Variants in GPHN observed in about 807,000 individuals in gnomAD.
GPHN encodes gephyrin.
A neutral mutation model predicts 95.5 loss-of-function variants in GPHN; 17 were observed. That is an observed-to-expected ratio of 0.18 (90% CI 0.12 to 0.27). The LOEUF is 0.27. GPHN is among the 10% of genes least tolerant of loss of function. GPHN has a pLI of 1.00. For missense variants in GPHN, 660 were observed against 978.1 expected, an observed-to-expected ratio of 0.67 and a Z score of 4.34; for synonymous variants, 320 against 322.5, an observed-to-expected ratio of 0.99 and a Z score of 0.08.
chr14:67,517,924 T>C, the GPHN span, among the ~76,000 whole-genome samples: 3 of 152,194 alleles, frequency 2.0e-5, no homozygotes, highest in African/African-American at 7.2e-5. Flanking sequence ...TGACATAAGA[T>C]CAGGGGTGCA....
intron 1 of GPHN, among the ~76,000 whole-genome samples, chr14:66,613,708 G>C (rs1484207890): frequency 2.6e-5 from 4 of 152,078 alleles, no homozygotes; most frequent in African/African-American, 9.7e-5. Context: ...ATAGATATTA[G>C]TATTCACAAA....
At chr14:67,699,408 A>G in the GPHN span, among the ~76,000 whole-genome samples, 2 of 151,884 alleles carry the variant, frequency 1.3e-5, no homozygotes, top group Admixed American at 1.3e-4. Context: ...TTTAAAAAAT[A>G]AATGAATAAA....
At chr14:67,198,307 G>T in the GPHN span, 4 of 1,613,142 alleles carry the variant, frequency 2.5e-6, no homozygotes, top group South Asian at 4.4e-5. Flanking sequence ...ATGTTAGAGA[G>T]CAATTTTATC....
At chr14:67,493,191 C>T in the GPHN span, among the ~76,000 whole-genome samples, 1 of 152,172 alleles carries the variant, frequency 6.6e-6, no homozygotes, top group South Asian at 2.1e-4. Flanking sequence ...AGTTTATCTT[C>T]AAAGGTTTCA....
intron 8 of GPHN, among the ~76,000 whole-genome samples, chr14:66,949,740 T>C (rs1467698614): frequency 6.6e-6 from 1 of 152,206 alleles, no homozygotes; most frequent in Non-Finnish European, 1.5e-5. Flanking sequence ...GTTTAAACTT[T>C]TCTTTAAAAT....
the GPHN span, chr14:67,541,931 G>T: frequency 6.2e-7 from 1 of 1,606,932 alleles, no homozygotes. Flanking sequence ...CCTGACCCTG[G>T]AAACTCAGCT....
chr14:67,345,731 C>G, the GPHN span: 1 of 1,449,962 alleles, frequency 6.9e-7, no homozygotes, highest in African/African-American at 1.4e-5. Flanking sequence ...TGTTACAAAT[C>G]AAACTACAGG....
chr14:67,169,569 C>T (rs113923820), intron 21 of GPHN, among the ~76,000 whole-genome samples: 8,203 of 152,230 alleles, frequency 0.054, 228 homozygotes, highest in Middle Eastern at 0.068. Flanking sequence ...TAAAAGTCAC[C>T]TGGAAATTAG....
chr14:67,697,587 C>T, the GPHN span, among the ~76,000 whole-genome samples: 3 of 152,128 alleles, frequency 2.0e-5, no homozygotes, highest in African/African-American at 7.2e-5. Flanking sequence ...GAGGTAGGTA[C>T]TATAATTTTC....
At chr14:66,739,229 T>C (rs1429022250) in intron 2 of GPHN, among the ~76,000 whole-genome samples, 1 of 151,066 alleles carries the variant, frequency 6.6e-6, no homozygotes, top group Admixed American at 6.6e-5. Flanking sequence ...TTTTTTTTTT[T>C]TTTTTGAGAC....
At chr14:66,944,227 A>G (rs2067602745) in intron 8 of GPHN, among the ~76,000 whole-genome samples, 1 of 152,210 alleles carries the variant, frequency 6.6e-6, no homozygotes, top group Admixed American at 6.5e-5. Flanking sequence ...AAACTTTACT[A>G]AAGACTCAGA....
At chr14:67,239,713 G>A in the GPHN span, among the ~76,000 whole-genome samples, 4 of 152,214 alleles carry the variant, frequency 2.6e-5, no homozygotes, top group East Asian at 7.7e-4. Flanking sequence ...AAAATTAGCC[G>A]GGCGTGGTGG....
chr14:67,072,691 A>G (rs909200729), intron 11 of GPHN, among the ~76,000 whole-genome samples: 11 of 152,016 alleles, frequency 7.2e-5, no homozygotes, highest in African/African-American at 2.4e-4. Context: ...CTTTAACTCA[A>G]TTTTCCAAAA....
intron 8 of GPHN, among the ~76,000 whole-genome samples, chr14:66,935,176 A>T (rs2067047445): frequency 6.6e-6 from 1 of 152,188 alleles, no homozygotes; most frequent in African/African-American, 2.4e-5. Context: ...TCAAAACTCA[A>T]AGTAATAATA....
chr14:67,150,453 CAA>C (rs1164806975), intron 18 of GPHN, among the ~76,000 whole-genome samples: 1 of 98,056 alleles, frequency 1.0e-5, no homozygotes, highest in Non-Finnish European at 2.0e-5. Flanking sequence ...AAAAAAAAAA[CAA>C]AAAAAAAAAA....
chr14:66,909,496 T>C (rs2065561716), intron 5 of GPHN, among the ~76,000 whole-genome samples: 1 of 152,024 alleles, frequency 6.6e-6, no homozygotes, highest in African/African-American at 2.4e-5. Context: ...ATGGATTTAT[T>C]TCAAGGACAC....
the GPHN span, among the ~76,000 whole-genome samples, chr14:67,695,336 C>A: frequency 2.6e-5 from 4 of 152,194 alleles, no homozygotes; most frequent in Non-Finnish European, 1.5e-5. Flanking sequence ...TTTGAGGTAG[C>A]CTTACCCTCG....
intron 9 of GPHN, among the ~76,000 whole-genome samples, chr14:66,971,513 TAA>T (rs1215237197): frequency 3.9e-5 from 6 of 152,344 alleles, no homozygotes; most frequent in African/African-American, 1.2e-4. Flanking sequence ...GCTTCTGTAT[TAA>T]GTCTTGTAAT....
chr14:67,612,874 G>T, the GPHN span, among the ~76,000 whole-genome samples: 2 of 152,124 alleles, frequency 1.3e-5, no homozygotes, highest in Non-Finnish European at 2.9e-5. Context: ...GAACCAGGGA[G>T]GTGGAGGTCA....
Sources: allele counts gnomAD v4.1 joint callset (sites outside exome capture counted in the v4.1 genomes callset), GRCh38; gene constraint gnomAD v4.1.1; transcripts MANE v1.5; gene names NCBI Gene and HGNC (gene_info 2026-07-23, HGNC 2026-07-21).